The following ZMYND11 variants were observed in gnomAD, a reference collection of about 807,000 sequenced individuals.
ZMYND11 encodes the protein zinc finger MYND-type containing 11.
Under a neutral mutation model 84.9 loss-of-function variants are expected in ZMYND11, and 9 were observed. The observed-to-expected ratio is 0.11, with a 90% CI of 0.06 to 0.18. The LOEUF (loss-of-function observed/expected upper bound fraction) is 0.18. Ranked by LOEUF, ZMYND11 falls within the 10% of genes least tolerant of loss-of-function variation. The pLI is 1.00. For synonymous variants in ZMYND11, 250 were observed against 244.1 expected (o/e 1.02, Z -0.23); for missense variants, 409 against 761.0 (o/e 0.54, Z 5.44).
chr10:169,910 A>G (rs1844889611), intron 1 of ZMYND11, among the ~76,000 whole-genome samples: 1 of 150,600 alleles, frequency 6.6e-6, no homozygotes, highest in African/African-American at 2.4e-5. Context: ...CAATTTCACC[A>G]GTATCAGACA....
intron 1 of ZMYND11, among the ~76,000 whole-genome samples, chr10:144,013 A>G (rs957436329): frequency 3.3e-5 from 5 of 151,850 alleles, no homozygotes; most frequent in Admixed American, 3.3e-4. Flanking sequence ...CAATTAAAAA[A>G]AAAAAAAACT....
chr10:248,114 G>A (rs1952552114), intron 12 of ZMYND11, among the ~76,000 whole-genome samples: 1 of 152,160 alleles, frequency 6.6e-6, no homozygotes, highest in South Asian at 2.1e-4. Context: ...TATTGTAGCT[G>A]TTAATTGCAT....
At position 252,615 on chromosome 10, in the gene ZMYND11, G is replaced by A; in HGVS notation, c.*145G>A. ...TTTCGTGAAGAAATTTTGCACAGTA[G>A]TTTAAATCTTTTGTTAATGCTCCTC... On this transcript the variant is annotated 3_prime_UTR_variant, in exon 15 of 15. Transcript: ENST00000381604. The surrounding 1 kb of genome is among the most constrained non-coding windows in gnomAD (Gnocchi z 4.6). 1 of 1,181,376 alleles carries A rather than the reference G, an allele frequency of 8.5e-7. No homozygotes were observed. Among genetic ancestry groups the A allele is most frequent in the Non-Finnish European group, 1.1e-6 (1 of 889,074 alleles). The allele number at this position is 1,181,376 out of a possible 1,614,324, so 73.2% of individuals were successfully genotyped here. A position where few individuals can be genotyped will look rare whatever the true frequency, so the allele number is the denominator to read the frequency against.
chr10:222,762 G>A (rs1240350234), intron 4 of ZMYND11, among the ~76,000 whole-genome samples: 1 of 151,654 alleles, frequency 6.6e-6, no homozygotes, highest in Non-Finnish European at 1.5e-5. Flanking sequence ...ATGGATGCAG[G>A]AATTAGGAAA....
intron 1 of ZMYND11, among the ~76,000 whole-genome samples, chr10:147,628 AAAG>A (rs1284510957): frequency 6.6e-6 from 1 of 150,540 alleles, no homozygotes; most frequent in Non-Finnish European, 1.5e-5. Flanking sequence ...GTTCCCTTAA[AAAG>A]AGGATAATTA....
intron 2 of ZMYND11, among the ~76,000 whole-genome samples, chr10:195,562 A>G (rs556607007): frequency 2.0e-5 from 3 of 152,374 alleles, no homozygotes; most frequent in Admixed American, 2.0e-4. Flanking sequence ...AAAGTAATCA[A>G]ATTACAAAAG....
chr10:206,995 G>A (rs1485393106), intron 2 of ZMYND11, among the ~76,000 whole-genome samples: 1 of 151,464 alleles, frequency 6.6e-6, no homozygotes, highest in African/African-American at 2.4e-5. Flanking sequence ...CCACTCCCCC[G>A]ACCCCACAAC....
Position 201,396 on chromosome 10 carries a change from G to T in ZMYND11, c.117-8493G>T, listed in dbSNP as rs552823005. 1.4e-4 allele frequency among the ~76,000 whole-genome samples: 21 copies of T among 152,174 alleles called. No homozygotes were observed. The South Asian group carries it at 2.3e-3, about 17-fold the overall frequency. On this transcript the variant is annotated intron_variant, in intron 2 of 14. Coordinates refer to ENST00000381604, the MANE Select transcript of ZMYND11 (RefSeq NM_001370100.5). ...GTTCGTTCTTCCACTGGTTGTGGCT[G>T]TTTTTATACTGTTTTTATTAATGTG...
At chr10:239,859 C>T in intron 7 of ZMYND11, 197 bp from the exon 8 acceptor site, 1 of 564,426 alleles carries the variant, frequency 1.8e-6, no homozygotes, top group Non-Finnish European at 3.1e-6. Flanking sequence ...ATTCTCTATA[C>T]CCTGAGAATT....
chr10:163,799 T>C (rs1204654582), intron 1 of ZMYND11, among the ~76,000 whole-genome samples: 1 of 152,118 alleles, frequency 6.6e-6, no homozygotes, highest in Admixed American at 6.6e-5. Context: ...AGAAAGCTAG[T>C]GTGAACAGTT....
In ZMYND11 at chr10:217,741, T is replaced by C. The variant is rs542324843; in HGVS notation, c.277-3454T>C. Among the ~76,000 whole-genome samples, 7 of 152,290 alleles carry C rather than the reference T, an allele frequency of 4.6e-5. No homozygotes were observed. The East Asian group carries it at 1.2e-3, about 25-fold the overall frequency. On this transcript the variant is annotated intron_variant, in intron 3 of 14. Coordinates refer to ENST00000381604, the MANE Select transcript of ZMYND11 (RefSeq NM_001370100.5). ...CTGTCTGCGTATTGACTCATGTGATTCATAGAAAAACCGTGTAGACTGCGT... is the reference window on the plus strand; with the variant it reads ...CTGTCTGCGTATTGACTCATGTGATCCATAGAAAAACCGTGTAGACTGCGT...
chr10:170,256 TA>T (rs1227126884), intron 1 of ZMYND11, among the ~76,000 whole-genome samples: 1 of 152,078 alleles, frequency 6.6e-6, no homozygotes, highest in Non-Finnish European at 1.5e-5. Flanking sequence ...TAATAAATGT[TA>T]AAAAAAGTTC....
At chr10:170,475 AAATG>A (rs61506990) in intron 1 of ZMYND11, among the ~76,000 whole-genome samples, 97,347 of 151,172 alleles carry the variant, frequency 0.64, 31,527 homozygotes, top group East Asian at 0.83. Flanking sequence ...TGGGTAAGTA[AAATG>A]AATGACAGTT....
chr10:193,203 C>T (rs962198728), intron 2 of ZMYND11, among the ~76,000 whole-genome samples: 1 of 152,068 alleles, frequency 6.6e-6, no homozygotes, highest in African/African-American at 2.4e-5. Flanking sequence ...TCTGTAGTTC[C>T]CTTTTTATGT....
chr10:247,023 C>A, intron 11 of ZMYND11, 50 bp downstream of exon 11: 1 of 1,509,656 alleles, frequency 6.6e-7, no homozygotes, highest in Non-Finnish European at 9.0e-7. Context: ...CTTTTAAATG[C>A]AGAAATCTTA....
Position 157,552 on chromosome 10 carries a change from C to T in ZMYND11, c.-20+21993C>T, listed in dbSNP as rs553294531. On this transcript the variant is annotated intron_variant, in intron 1 of 14. Transcript: ENST00000381604. ...TAACAGTAATGACAATGAAAGCACA[C>T]GTAAGCTACTTTCCTAGAGGGTGGG... 6.6e-5 allele frequency among the ~76,000 whole-genome samples: 10 copies of T among 152,218 alleles called. No homozygotes were observed. The South Asian group carries it at 1.2e-3, about 19-fold the overall frequency.
chr10:233,438 T>C (rs1260404937), intron 4 of ZMYND11, among the ~76,000 whole-genome samples: 1 of 152,206 alleles, frequency 6.6e-6, no homozygotes, highest in Admixed American at 6.5e-5. Flanking sequence ...TAGAACTTTT[T>C]AGAAGTAGAT....
At chr10:233,774 C>G (rs534770049) in intron 4 of ZMYND11, among the ~76,000 whole-genome samples, 1 of 152,182 alleles carries the variant, frequency 6.6e-6, no homozygotes, top group South Asian at 2.1e-4. Flanking sequence ...AGACTTTCAT[C>G]CTCTATTATA....
chr10:233,685 A>T (rs549397951), intron 4 of ZMYND11, among the ~76,000 whole-genome samples: 2 of 152,220 alleles, frequency 1.3e-5, no homozygotes, highest in Admixed American at 1.3e-4. Context: ...CCAGGCCCAG[A>T]TGACCACTTT....
Sources: gnomAD v4.1 joint callset for allele counts (sites outside exome capture counted in the v4.1 genomes callset) on GRCh38, gnomAD v4.1.1 for gene constraint, Gnocchi (gnomAD v3.1) non-coding constraint, MANE v1.5 for transcripts, NCBI Gene and HGNC (gene_info 2026-07-23, HGNC 2026-07-21) for gene names.